NFAT5: variants seen among roughly 807,000 people sequenced by gnomAD.
NFAT5 encodes the protein nuclear factor of activated T-cells 5.
NFAT5 carries 31 observed loss-of-function variants against 166.5 expected under a neutral mutation model. The observed-to-expected ratio is 0.19, with a 90% CI of 0.14 to 0.25. The LOEUF is 0.25. NFAT5 is among the 10% of genes least tolerant of loss of function. The pLI, the probability that NFAT5 is intolerant of heterozygous loss-of-function variation, is 1.00. For synonymous variants in NFAT5, 612 were observed against 639.7 expected, an observed-to-expected ratio of 0.96 and a Z score of 0.65; for missense variants, 1,449 against 1,821.8, an observed-to-expected ratio of 0.80 and a Z score of 3.72.
intron 2 of NFAT5, among the ~76,000 whole-genome samples, chr16:69,575,357 AG>A (rs1452484508): frequency 6.6e-6 from 1 of 151,910 alleles, no homozygotes; most frequent in African/African-American, 2.4e-5. Context: ...TAGTAGAGAC[AG>A]GGTTTCACCT....
intron 6 of NFAT5, among the ~76,000 whole-genome samples, chr16:69,659,144 T>A (rs1031135725): frequency 5.5e-4 from 79 of 144,192 alleles, no homozygotes; most frequent in Middle Eastern, 6.9e-3. Context: ...TTTTTTTTTT[T>A]AAAAAAAAGG....
chr16:69,602,333 G>A (rs1213195391), intron 2 of NFAT5, among the ~76,000 whole-genome samples: 1 of 149,618 alleles, frequency 6.7e-6, no homozygotes, highest in Non-Finnish European at 1.5e-5. Context: ...GCAAGGGTGC[G>A]ATCTCGGCTC....
At chr16:69,610,687 C>G (rs2033665656) in intron 2 of NFAT5, among the ~76,000 whole-genome samples, 1 of 152,204 alleles carries the variant, frequency 6.6e-6, no homozygotes, top group Non-Finnish European at 1.5e-5. Context: ...AACATAATTT[C>G]TTCTCCGTAA....
intron 2 of NFAT5, among the ~76,000 whole-genome samples, chr16:69,623,889 GAGA>G (rs1415827817): frequency 1.5e-5 from 2 of 137,886 alleles, no homozygotes; most frequent in South Asian, 2.3e-4. Flanking sequence ...TCAATAAAAA[GAGA>G]AGAAGATCTA....
intron 7 of NFAT5, among the ~76,000 whole-genome samples, chr16:69,669,641 A>G (rs1215523337): frequency 6.6e-6 from 1 of 152,232 alleles, no homozygotes; most frequent in African/African-American, 2.4e-5. Context: ...AGGCTAAATG[A>G]TACTGCAATA....
At chr16:69,652,087 G>A (rs2035693976) in intron 4 of NFAT5, among the ~76,000 whole-genome samples, 1 of 152,080 alleles carries the variant, frequency 6.6e-6, no homozygotes, top group African/African-American at 2.4e-5. Flanking sequence ...CACCATTTGG[G>A]ATACTGTTTT....
intron 2 of NFAT5, among the ~76,000 whole-genome samples, chr16:69,622,991 C>T (rs1328575415): frequency 6.6e-6 from 1 of 152,056 alleles, no homozygotes; most frequent in Non-Finnish European, 1.5e-5. Flanking sequence ...ATTAAGAATA[C>T]AAAATTAGCC....
intron 11 of NFAT5, among the ~76,000 whole-genome samples, chr16:69,687,044 A>T (rs1597556533): frequency 6.6e-6 from 1 of 152,294 alleles, no homozygotes; most frequent in East Asian, 1.9e-4. Context: ...ATTGAAGTTG[A>T]CTAGAAGATT....
rs376203934 is a variant in NFAT5, at chr16:69,669,956, A to G, written c.1370-21A>G. On this transcript the variant is annotated intron_variant, in intron 7 of 14. Transcript: ENST00000349945. ...TAAGTTTTGGTGGTTCTTCTTATAG[A>G]ATGCTTATGTATCTCCACAGCTCAG... 1,149 of 1,535,870 alleles carry G rather than the reference A, an allele frequency of 7.5e-4. 14 individuals are homozygous for G. In the South Asian group the frequency reaches 0.012, roughly 16 times the overall value.
chr16:69,653,560 C>A, intron 5 of NFAT5, 132 bp downstream of exon 5: 4 of 565,920 alleles, frequency 7.1e-6, no homozygotes, highest in Non-Finnish European at 1.1e-5. Flanking sequence ...AGATTCATCC[C>A]AAACTTTAGA....
intron 3 of NFAT5, among the ~76,000 whole-genome samples, chr16:69,641,058 A>G (rs2035185824): frequency 6.6e-6 from 1 of 151,844 alleles, no homozygotes; most frequent in Non-Finnish European, 1.5e-5. Flanking sequence ...AGTGGGCAGA[A>G]CACAAGGTCA....
intron 2 of NFAT5, among the ~76,000 whole-genome samples, chr16:69,575,846 C>G (rs1021439782): frequency 6.6e-6 from 1 of 152,002 alleles, no homozygotes; most frequent in African/African-American, 2.4e-5. Flanking sequence ...AAAAATCCTG[C>G]GATGTAGTAC....
chr16:69,621,930 T>G (rs1228470918), intron 2 of NFAT5, among the ~76,000 whole-genome samples: 1 of 152,040 alleles, frequency 6.6e-6, no homozygotes, highest in Non-Finnish European at 1.5e-5. Context: ...GTCTGTATAC[T>G]CCAACCTGGA....
At position 69,691,151 on chromosome 16, in the gene NFAT5, A is replaced by AT. The variant is rs1247920337; in HGVS notation, c.1923+70dup. 12 of 1,364,666 alleles carry AT rather than the reference A, an allele frequency of 8.8e-6. No homozygotes were observed. In the African/African-American group the frequency reaches 8.9e-5, roughly 10 times the overall value. 84.5% of individuals were successfully genotyped at this position (1,364,666 alleles called of 1,614,324 possible). A position where few individuals can be genotyped will look rare whatever the true frequency, so the allele number is the denominator to read the frequency against. On this transcript the variant is annotated intron_variant, in intron 12 of 14. Transcript: ENST00000349945. ...AAAATTGCTGTCTTTTACTTTTCCTATTTTTTTAACATTATTTTTACTTTG... is the reference window on the plus strand; with the variant it reads ...AAAATTGCTGTCTTTTACTTTTCCTATTTTTTTTAACATTATTTTTACTTTG...
chr16:69,599,898 G>A (rs755639037), intron 2 of NFAT5, among the ~76,000 whole-genome samples: 3 of 152,200 alleles, frequency 2.0e-5, no homozygotes, highest in Non-Finnish European at 2.9e-5. Flanking sequence ...GCTAGATCAT[G>A]TAAGGACTTT....
chr16:69,688,090 G>A (rs2037383838), intron 11 of NFAT5, among the ~76,000 whole-genome samples: 2 of 150,616 alleles, frequency 1.3e-5, no homozygotes, highest in African/African-American at 4.9e-5. Context: ...CAGCTACTCG[G>A]GAGGCTGAGG....
chr16:69,676,631 C>T (rs1422352147), intron 9 of NFAT5, among the ~76,000 whole-genome samples: 1 of 152,086 alleles, frequency 6.6e-6, no homozygotes, highest in African/African-American at 2.4e-5. Flanking sequence ...AGCTTACATT[C>T]TTATGTTTGG....
At chr16:69,600,687 G>T (rs920682517) in intron 2 of NFAT5, among the ~76,000 whole-genome samples, 2 of 141,504 alleles carry the variant, frequency 1.4e-5, no homozygotes, top group Non-Finnish European at 3.0e-5. Context: ...TGCCAAGAAT[G>T]ATAGATACAG....
chr16:69,614,577 T>G (rs2033852234), intron 2 of NFAT5, among the ~76,000 whole-genome samples: 1 of 152,214 alleles, frequency 6.6e-6, no homozygotes, highest in Non-Finnish European at 1.5e-5. Flanking sequence ...TCTGAATCAT[T>G]TGAGAATAAG....
Sources: gnomAD v4.1 joint callset for allele counts (sites outside exome capture counted in the v4.1 genomes callset) on GRCh38, gnomAD v4.1.1 for gene constraint, MANE v1.5 for transcripts, NCBI Gene and HGNC (gene_info 2026-07-23, HGNC 2026-07-21) for gene names.